The following RMDN1 variants were observed in gnomAD, a reference collection of about 807,000 sequenced individuals.
RMDN1 encodes the protein regulator of microtubule dynamics protein 1.
In RMDN1, 48 loss-of-function variants were observed where a neutral mutation model predicts 48.9. That is an observed-to-expected ratio of 0.98 (90% CI 0.78 to 1.25). The LOEUF (loss-of-function observed/expected upper bound fraction) is 1.25. Ranked by LOEUF, RMDN1 falls within the 50% of genes most tolerant of loss-of-function variation. The probability of loss-of-function intolerance (pLI) is 0.00; values close to 1 mark genes in which losing one functional copy is unlikely to be tolerated. For missense variants in RMDN1, 418 were observed against 373.4 expected, an observed-to-expected ratio of 1.12 and a Z score of -0.98; for synonymous variants, 148 against 132.6, an observed-to-expected ratio of 1.12 and a Z score of -0.80.
At chr8:86,508,753 C>T (rs1819860505), upstream of RMDN1, 1 of 1,386,920 alleles carries the variant, frequency 7.2e-7, no homozygotes, top group Non-Finnish European at 9.3e-7. Flanking sequence ...CCGCCTCCTG[C>T]CCAGCACCTC....
intron 8 of RMDN1, among the ~76,000 whole-genome samples, chr8:86,475,243 C>T (rs948964406): frequency 2.0e-5 from 3 of 152,092 alleles, no homozygotes; most frequent in Admixed American, 6.5e-5. Flanking sequence ...CTGAAGCTCC[C>T]GATAGAATGT....
chr8:86,493,026 GA>G (rs1366889470), intron 2 of RMDN1, among the ~76,000 whole-genome samples: 2 of 151,112 alleles, frequency 1.3e-5, no homozygotes, highest in Non-Finnish European at 2.9e-5. Context: ...ACAGCAAATG[GA>G]AGAGATATAG....
chr8:86,494,551 G>A (rs542601790), intron 2 of RMDN1, among the ~76,000 whole-genome samples: 9 of 152,278 alleles, frequency 5.9e-5, no homozygotes, highest in Admixed American at 3.3e-4. Flanking sequence ...GCGAGACTCT[G>A]TCTCAAAAAA....
chr8:86,500,737 A>G (rs1174701322), intron 2 of RMDN1, among the ~76,000 whole-genome samples: 1 of 152,208 alleles, frequency 6.6e-6, no homozygotes. Context: ...AGTGACACAC[A>G]CGTCCTTAAG....
intron 5 of RMDN1, among the ~76,000 whole-genome samples, chr8:86,483,826 T>G (rs372695574): frequency 6.3e-5 from 6 of 95,336 alleles, no homozygotes; most frequent in African/African-American, 3.2e-4. Context: ...TTTGTGGTAG[T>G]TTTTTTTTTT....
At chr8:86,505,027 A>G in intron 2 of RMDN1, 1 of 1,482,682 alleles carries the variant, frequency 6.7e-7, no homozygotes, top group South Asian at 1.2e-5. Context: ...ATGGAGATGA[A>G]CAGCATCCAG....
At position 86,472,398 on chromosome 8, in the gene RMDN1, T is replaced by C. The variant is rs1251117188; in HGVS notation, c.*1910A>G. On this transcript the variant is annotated 3_prime_UTR_variant, in exon 10 of 10. Transcript: ENST00000406452. ...CGGTCTCCCTAAAGGAAAAAACCCA[T>C]TTTAAAAAGCCATCCAGCAGAATGC... is the stretch of plus-strand genomic sequence containing the variant. 11 of 702,260 alleles carry C rather than the reference T, an allele frequency of 1.6e-5. No individual in the cohort carries two copies. Among genetic ancestry groups the C allele is most frequent in the Non-Finnish European group, 2.9e-5 (11 of 384,926 alleles). The allele number at this position is 702,260 out of a possible 1,614,324, so 43.5% of individuals were successfully genotyped here. A position where few individuals can be genotyped will look rare whatever the true frequency, so the allele number is the denominator to read the frequency against.
chr8:86,495,041 G>C (rs953104925), intron 2 of RMDN1: 1 of 326,360 alleles, frequency 3.1e-6, no homozygotes, highest in African/African-American at 2.2e-5. Context: ...AAAACTAGAG[G>C]AGCCAAGATG....
At chr8:86,475,053 C>T in intron 8 of RMDN1, 100 bp from the exon 9 acceptor site, 6 of 974,164 alleles carry the variant, frequency 6.2e-6, no homozygotes, top group Non-Finnish European at 9.0e-6. Flanking sequence ...TTTGTGTGGT[C>T]AATAAGTGAT....
chr8:86,496,200 C>A (rs1271570737), intron 2 of RMDN1, among the ~76,000 whole-genome samples: 1 of 152,206 alleles, frequency 6.6e-6, no homozygotes, highest in Non-Finnish European at 1.5e-5. Context: ...AACAAAAACA[C>A]ACTTAAGTTC....
At chr8:86,480,200 A>G (rs879387932) in intron 6 of RMDN1, 77 bp downstream of exon 6, 27 of 691,736 alleles carry the variant, frequency 3.9e-5, no homozygotes, top group Non-Finnish European at 5.9e-5. Context: ...TCTTTTATAT[A>G]TGCAAAAGAA....
intron 5 of RMDN1, among the ~76,000 whole-genome samples, chr8:86,481,568 T>A (rs1277926978): frequency 7.0e-6 from 1 of 143,560 alleles, no homozygotes; most frequent in Admixed American, 6.8e-5. Flanking sequence ...TCCTTTTTTT[T>A]TTTTTTTTTT....
At chr8:86,504,301 C>A (rs1818898508) in intron 2 of RMDN1, 2 of 1,578,298 alleles carry the variant, frequency 1.3e-6, no homozygotes, top group African/African-American at 2.7e-5. Flanking sequence ...CCAAGACAAC[C>A]AGGAGATGCA....
At position 86,474,412 on chromosome 8, in the gene RMDN1, T is replaced by G. The variant is rs1813018419; in HGVS notation, c.895-54A>C. On this transcript the variant is annotated intron_variant, in intron 9 of 9. Coordinates refer to ENST00000406452, the MANE Select transcript of RMDN1 (RefSeq NM_016033.3). The stretch of plus-strand genomic sequence containing the variant: ...AAACAGGAGAGCTAAGAGACTAACT[T>G]GTGAAATTTAAGTTTATAAAGTGGG... The G allele has an allele frequency of 2.1e-6, 3 of 1,428,080 alleles. No homozygotes were observed. In the African/African-American group the frequency reaches 4.3e-5, roughly 20 times the overall value. 88.5% of individuals were successfully genotyped at this position (1,428,080 alleles called of 1,614,324 possible). A position where few individuals can be genotyped will look rare whatever the true frequency, so the allele number is the denominator to read the frequency against.
intron 2 of RMDN1, among the ~76,000 whole-genome samples, chr8:86,498,398 A>C (rs780627271): frequency 6.6e-6 from 1 of 152,112 alleles, no homozygotes; most frequent in Non-Finnish European, 1.5e-5. Context: ...ACTCCTGCCT[A>C]CTCATTCCAT....
At chr8:86,489,813 C>G (rs34219490) in intron 2 of RMDN1, among the ~76,000 whole-genome samples, 38,696 of 139,600 alleles carry the variant, frequency 0.28, 5,951 homozygotes, top group East Asian at 0.54. Context: ...CTGGGCGATA[C>G]AGCAAGACTC....
intron 5 of RMDN1, chr8:86,482,715 G>T: frequency 1.0e-6 from 1 of 999,340 alleles, no homozygotes; most frequent in Non-Finnish European, 1.6e-6. Flanking sequence ...CTTTGGTGTC[G>T]GTTCCATCAC....
upstream of RMDN1, among the ~76,000 whole-genome samples, chr8:86,512,592 G>C (rs1038082791): frequency 2.0e-5 from 3 of 152,116 alleles, no homozygotes; most frequent in Admixed American, 2.0e-4. Flanking sequence ...ACATCACCCT[G>C]CCTTAACTTT....
intron 2 of RMDN1, among the ~76,000 whole-genome samples, chr8:86,497,707 AAAAAAAAAGAAAGAAAG>A (rs1817593122): frequency 6.6e-6 from 1 of 151,178 alleles, no homozygotes; most frequent in Non-Finnish European, 1.5e-5. Flanking sequence ...TCTCAAAAAA[AAAAAAAAAGAAAGAAAG>A]AAAAAAAAAG....
Sources: allele counts gnomAD v4.1 joint callset (sites outside exome capture counted in the v4.1 genomes callset), GRCh38; gene constraint gnomAD v4.1.1; transcripts MANE v1.5; gene names NCBI Gene and HGNC (gene_info 2026-07-23, HGNC 2026-07-21).